Variants in LUZP2 observed in about 807,000 individuals in gnomAD.
LUZP2 encodes the protein leucine zipper protein 2.
In LUZP2, 52 loss-of-function variants were observed where a neutral mutation model predicts 51.6. That is an observed-to-expected ratio of 1.01 (90% confidence interval 0.81 to 1.27). LUZP2 has a LOEUF of 1.27. LUZP2 is among the 50% of genes most tolerant of loss of function. The pLI is 0.00. For synonymous variants in LUZP2, 154 were observed against 137.3 expected, an observed-to-expected ratio of 1.12 and a Z score of -0.85; for missense variants, 436 against 395.4, an observed-to-expected ratio of 1.10 and a Z score of -0.87.
At chr11:24,833,084 A>T (rs890673227) in intron 5 of LUZP2, among the ~76,000 whole-genome samples, 3 of 152,170 alleles carry the variant, frequency 2.0e-5, no homozygotes, top group African/African-American at 7.2e-5. Flanking sequence ...ATTCTGTAAA[A>T]ATCTACTTTG....
intron 9 of LUZP2, among the ~76,000 whole-genome samples, chr11:25,033,900 T>A (rs535633199): frequency 6.6e-6 from 1 of 152,134 alleles, no homozygotes; most frequent in African/African-American, 2.4e-5. Context: ...GGAGTACCTG[T>A]GTCTTTTTGG....
intron 5 of LUZP2, among the ~76,000 whole-genome samples, chr11:24,858,209 T>A (rs1302653780): frequency 6.6e-6 from 1 of 152,160 alleles, no homozygotes; most frequent in African/African-American, 2.4e-5. Context: ...TTTAACAGCT[T>A]TTCCTTAATA....
chr11:24,878,098 GT>G (rs1852331223), intron 5 of LUZP2, among the ~76,000 whole-genome samples: 2 of 18,542 alleles, frequency 1.1e-4, no homozygotes, highest in Non-Finnish European at 1.3e-4. Context: ...GTAATATTCT[GT>G]GTTTTTTTTT....
chr11:24,732,716 G>A (rs992804160), intron 3 of LUZP2, among the ~76,000 whole-genome samples: 3 of 151,562 alleles, frequency 2.0e-5, no homozygotes, highest in African/African-American at 7.3e-5. Context: ...AAAGCCATAC[G>A]ATTTTTAAAT....
At chr11:24,994,160 T>TA (rs1491416642) in intron 9 of LUZP2, among the ~76,000 whole-genome samples, 3 of 1,444 alleles carry the variant, frequency 2.1e-3, no homozygotes, top group African/African-American at 4.9e-3. Context: ...CACCTGGCCC[T>TA]TTTTTTTTTT....
At chr11:24,605,348 T>C (rs1029705149) in intron 1 of LUZP2, among the ~76,000 whole-genome samples, 3 of 151,788 alleles carry the variant, frequency 2.0e-5, no homozygotes, top group Non-Finnish European at 4.4e-5. Context: ...TCTGAAAATA[T>C]TAACTTTATT....
chr11:24,719,984 G>A (rs1858200388), intron 1 of LUZP2, among the ~76,000 whole-genome samples: 1 of 152,108 alleles, frequency 6.6e-6, no homozygotes, highest in South Asian at 2.1e-4. Flanking sequence ...CCAAGTGAAT[G>A]GCCCAGCTAA....
At chr11:24,691,593 G>T (rs1431720366) in intron 1 of LUZP2, among the ~76,000 whole-genome samples, 1 of 150,706 alleles carries the variant, frequency 6.6e-6, no homozygotes, top group Non-Finnish European at 1.5e-5. Flanking sequence ...ATAAAACCTA[G>T]AATTTGGAAT....
chr11:24,648,112 G>A (rs976021425), intron 1 of LUZP2, among the ~76,000 whole-genome samples: 1 of 151,748 alleles, frequency 6.6e-6, no homozygotes, highest in Non-Finnish European at 1.5e-5. Flanking sequence ...CAACACTGAT[G>A]CAAAAAAAAT....
chr11:24,551,653 A>G (rs1197538135), intron 1 of LUZP2, among the ~76,000 whole-genome samples: 7 of 152,048 alleles, frequency 4.6e-5, no homozygotes. Context: ...AACAAAATAT[A>G]TCAAAATTTG....
At chr11:24,889,153 A>G (rs906265159) in intron 5 of LUZP2, among the ~76,000 whole-genome samples, 5 of 152,186 alleles carry the variant, frequency 3.3e-5, no homozygotes, top group African/African-American at 9.6e-5. Flanking sequence ...CTGGTAAAAT[A>G]TGGCATTAGC....
chr11:24,855,109 T>C (rs1851519193), intron 5 of LUZP2, among the ~76,000 whole-genome samples: 1 of 152,166 alleles, frequency 6.6e-6, no homozygotes, highest in African/African-American at 2.4e-5. Flanking sequence ...TTATTCAATA[T>C]ACTACTGAAA....
At chr11:25,030,251 G>A (rs1857606694) in intron 9 of LUZP2, among the ~76,000 whole-genome samples, 1 of 152,022 alleles carries the variant, frequency 6.6e-6, no homozygotes, top group Admixed American at 6.6e-5. Context: ...TTATTTCAAG[G>A]ATATCTTTGT....
At chr11:24,726,585 C>A (rs943757176) in intron 1 of LUZP2, among the ~76,000 whole-genome samples, 3 of 151,888 alleles carry the variant, frequency 2.0e-5, no homozygotes, top group African/African-American at 7.3e-5. Flanking sequence ...CTTTTAGAAA[C>A]TTATATCACA....
intron 5 of LUZP2, among the ~76,000 whole-genome samples, chr11:24,787,368 C>A (rs187525675): frequency 3.3e-5 from 5 of 152,178 alleles, no homozygotes; most frequent in African/African-American, 1.2e-4. Flanking sequence ...ATCATAAAAT[C>A]TACTACAAAG....
intron 9 of LUZP2, among the ~76,000 whole-genome samples, chr11:25,049,457 TC>T (rs1858423388): frequency 2.6e-5 from 4 of 152,158 alleles, no homozygotes; most frequent in Non-Finnish European, 5.9e-5. Flanking sequence ...TCTTTTCTTT[TC>T]TTTTCTTTAT....
intron 9 of LUZP2, among the ~76,000 whole-genome samples, chr11:25,045,846 CTGTGGTTACA>C (rs1421271941): frequency 6.6e-6 from 1 of 152,084 alleles, no homozygotes; most frequent in African/African-American, 2.4e-5. Context: ...ATCCAGGCCT[CTGTGGTTACA>C]TGCAAAAAAT....
chr11:24,497,055 T>G lies in LUZP2; in HGVS notation c.-189T>G. ...GGGCTCGCCTCGCCGGTGACATCACTCCTGAAGATACTCCTCGCTCCCAGC... is the reference window on the plus strand; with the variant it reads ...GGGCTCGCCTCGCCGGTGACATCACGCCTGAAGATACTCCTCGCTCCCAGC... On this transcript the variant is annotated 5_prime_UTR_variant, in exon 1 of 12. Transcript: ENST00000336930. The G allele has an allele frequency of 9.2e-6, 4 of 433,918 alleles. No individual in the cohort carries two copies. Among genetic ancestry groups the G allele is most frequent in the Non-Finnish European group, 1.6e-5 (4 of 245,924 alleles). The allele number at this position is 433,918 out of a possible 1,614,324, so 26.9% of individuals were successfully genotyped here.
At chr11:24,709,968 A>G (rs1244381483) in intron 1 of LUZP2, among the ~76,000 whole-genome samples, 4 of 152,144 alleles carry the variant, frequency 2.6e-5, no homozygotes, top group African/African-American at 9.7e-5. Context: ...ATGAACCAGG[A>G]TTCAATCCTC....
Sources: allele counts gnomAD v4.1 joint callset (sites outside exome capture counted in the v4.1 genomes callset), GRCh38; gene constraint gnomAD v4.1.1; transcripts MANE v1.5; gene names NCBI Gene and HGNC (gene_info 2026-07-23, HGNC 2026-07-21).